PRELID2: variants seen among roughly 807,000 people sequenced by gnomAD.
PRELID2 encodes PRELI domain-containing protein 2.
Under a neutral mutation model 28.4 loss-of-function variants are expected in PRELID2, and 25 were observed. The ratio of observed to expected loss-of-function variants is 0.88; its 90% confidence interval spans 0.64 to 1.23. PRELID2 has a LOEUF of 1.23. Ranked by LOEUF, PRELID2 falls within the 50% of genes most tolerant of loss-of-function variation. The pLI, the probability that PRELID2 is intolerant of heterozygous loss-of-function variation, is 0.00. For missense variants in PRELID2, 201 were observed against 214.4 expected (o/e 0.94, Z 0.39); for synonymous variants, 76 against 71.6 (o/e 1.06, Z -0.31).
chr5:145,232,969 G>GTA, the PRELID2 span, among the ~76,000 whole-genome samples: 35,628 of 148,138 alleles, frequency 0.24, 5,097 homozygotes, highest in Non-Finnish European at 0.31. Flanking sequence ...ATGTATGTAT[G>GTA]TATATATATA....
the PRELID2 span, among the ~76,000 whole-genome samples, chr5:145,304,008 C>A: frequency 6.6e-6 from 1 of 152,104 alleles, no homozygotes; most frequent in Non-Finnish European, 1.5e-5. Context: ...CTTAATCTAT[C>A]TCCCACTTGG....
chr5:145,436,138 T>C, the PRELID2 span, among the ~76,000 whole-genome samples: 2 of 152,156 alleles, frequency 1.3e-5, no homozygotes, highest in Non-Finnish European at 2.9e-5. Flanking sequence ...CTTCTTTGTG[T>C]CCATGTGCAC....
chr5:145,655,069 A>G (rs1241388291), intron 1 of PRELID2, among the ~76,000 whole-genome samples: 1 of 151,868 alleles, frequency 6.6e-6, no homozygotes. Context: ...TACAAAATCA[A>G]TGTGCAAAAA....
At chr5:145,694,583 C>T (rs368952536) in intron 1 of PRELID2, among the ~76,000 whole-genome samples, 3 of 152,036 alleles carry the variant, frequency 2.0e-5, no homozygotes, top group East Asian at 3.8e-4. Context: ...TTGAAGTCCA[C>T]GGTATGAAGT....
chr5:145,376,282 T>C, the PRELID2 span, among the ~76,000 whole-genome samples: 3 of 152,228 alleles, frequency 2.0e-5, no homozygotes, highest in Non-Finnish European at 4.4e-5. Context: ...GATATGCTGC[T>C]GGATTTAGTT....
chr5:145,391,963 C>A, the PRELID2 span, among the ~76,000 whole-genome samples: 266 of 152,272 alleles, frequency 1.7e-3, 2 homozygotes, highest in African/African-American at 6.1e-3. Flanking sequence ...ATATCACTAT[C>A]AGCACTTTGG....
At chr5:145,471,591 A>ATT (rs879882385), downstream of PRELID2, among the ~76,000 whole-genome samples, 1 of 146,966 alleles carries the variant, frequency 6.8e-6, no homozygotes, top group East Asian at 2.0e-4. Context: ...TAACACACAC[A>ATT]TTTTTTTTTT....
At chr5:145,354,184 G>A in the PRELID2 span, among the ~76,000 whole-genome samples, 1 of 151,342 alleles carries the variant, frequency 6.6e-6, no homozygotes, top group South Asian at 2.1e-4. Flanking sequence ...AATAACAGAG[G>A]TCCCACATTA....
At chr5:145,566,074 T>C (rs1752965062) in intron 1 of PRELID2, among the ~76,000 whole-genome samples, 2 of 152,262 alleles carry the variant, frequency 1.3e-5, no homozygotes, top group South Asian at 2.1e-4. Flanking sequence ...GAAAAGTGAA[T>C]GAAAGCTTGG....
chr5:145,719,777 T>A (rs988839909), intron 1 of PRELID2, among the ~76,000 whole-genome samples: 2 of 151,696 alleles, frequency 1.3e-5, no homozygotes, highest in Non-Finnish European at 2.9e-5. Context: ...CCCTCCAACC[T>A]CCAAAACAAC....
chr5:145,814,053 C>T (rs1754129716), intron 4 of PRELID2, among the ~76,000 whole-genome samples: 1 of 152,132 alleles, frequency 6.6e-6, no homozygotes, highest in Non-Finnish European at 1.5e-5. Flanking sequence ...GATTAATTTT[C>T]CTTTTTTTCT....
the PRELID2 span, among the ~76,000 whole-genome samples, chr5:145,354,737 G>A: frequency 6.6e-6 from 1 of 152,176 alleles, no homozygotes; most frequent in African/African-American, 2.4e-5. Context: ...GTATGTCAGA[G>A]AGAGGAGTAG....
chr5:145,448,191 G>T, the PRELID2 span, among the ~76,000 whole-genome samples: 2 of 151,702 alleles, frequency 1.3e-5, no homozygotes, highest in Non-Finnish European at 2.9e-5. Flanking sequence ...GTATCTCATT[G>T]TGGTTTTGAT....
chr5:145,490,027 A>G (rs1233854528), intron 1 of PRELID2, among the ~76,000 whole-genome samples: 3 of 152,206 alleles, frequency 2.0e-5, no homozygotes, highest in African/African-American at 4.8e-5. Flanking sequence ...CAGATGATAC[A>G]TCTGTGCTAT....
the PRELID2 span, among the ~76,000 whole-genome samples, chr5:145,288,210 G>A: frequency 6.6e-6 from 1 of 152,058 alleles, no homozygotes; most frequent in Non-Finnish European, 1.5e-5. Flanking sequence ...CACTTTAAGA[G>A]GTAGAAAGTT....
chr5:145,419,972 A>T, the PRELID2 span, among the ~76,000 whole-genome samples: 1 of 152,046 alleles, frequency 6.6e-6, no homozygotes, highest in South Asian at 2.1e-4. Flanking sequence ...TCCCAGCACC[A>T]TTTATTAAAT....
intron 1 of PRELID2, among the ~76,000 whole-genome samples, chr5:145,823,781 C>T (rs1004502556): frequency 2.0e-5 from 3 of 152,140 alleles, no homozygotes; most frequent in African/African-American, 7.2e-5. Context: ...TAATTTAATT[C>T]CCCTGAAAAG....
chr5:145,256,232 C>A, the PRELID2 span, among the ~76,000 whole-genome samples: 1 of 152,010 alleles, frequency 6.6e-6, no homozygotes, highest in African/African-American at 2.4e-5. Context: ...CCAGTAACGA[C>A]TGAATCTCTC....
At chr5:145,736,923 A>G (rs2149732008) in intron 1 of PRELID2, among the ~76,000 whole-genome samples, 1 of 152,266 alleles carries the variant, frequency 6.6e-6, no homozygotes, top group African/African-American at 2.4e-5. Flanking sequence ...CAAAATTTCA[A>G]TGTTGCTTTT....
Sources: allele counts gnomAD v4.1 joint callset (sites outside exome capture counted in the v4.1 genomes callset), GRCh38; gene constraint gnomAD v4.1.1; transcripts MANE v1.5; gene names NCBI Gene and HGNC (gene_info 2026-07-23, HGNC 2026-07-21).